EBF3: variants seen among roughly 807,000 people sequenced by gnomAD.
EBF3 encodes the protein transcription factor COE3.
In EBF3, 18 loss-of-function variants were observed where a neutral mutation model predicts 77.1. The ratio of observed to expected loss-of-function variants is 0.23; its 90% CI spans 0.16 to 0.35. EBF3 has a LOEUF of 0.35. Among genes scored for constraint, EBF3 ranks in the 10% least tolerant of loss-of-function variants. EBF3 has a pLI of 1.00. For missense variants in EBF3, 558 were observed against 860.0 expected (o/e 0.65, Z 4.39); for synonymous variants, 350 against 343.5 (o/e 1.02, Z -0.21).
intron 6 of EBF3, among the ~76,000 whole-genome samples, chr10:129,916,819 G>A (rs1436723446): frequency 6.6e-6 from 1 of 152,212 alleles, no homozygotes; most frequent in African/African-American, 2.4e-5. Context: ...CAGCCCAAGG[G>A]AGGCACAGTG....
rs762719339 is a variant in EBF3 at position 129,963,646 on chromosome 10, C to G, written c.123G>C (p.Thr41=). 3.4e-6 allele frequency: 5 copies of G among 1,477,588 alleles called. No homozygotes were observed. The African/African-American group carries it at 7.4e-5, about 22-fold the overall frequency. The allele number at this position is 1,477,588 out of a possible 1,614,324, so 91.5% of individuals were successfully genotyped here. Residue 41 remains threonine (T), a synonymous_variant, in exon 1 of 17, where the codon ACG becomes ACC. Transcript: ENST00000440978. This position sits in a 1 kb window ranked among gnomAD's most constrained non-coding sequence, Gnocchi z 7.1. The part of the protein sequence containing the change: ...MHTAGVVDAN[T]AAQSGVGLAR... ...CGGCCGGTACGTACCTCTGGGCGGC[C>G]GTGTTGGCGTCCACCACGCCCGCCG...
intron 10 of EBF3, among the ~76,000 whole-genome samples, chr10:129,856,674 G>A (rs1008672939): frequency 2.0e-5 from 3 of 152,186 alleles, no homozygotes; most frequent in Admixed American, 6.5e-5. Context: ...AGAGACAGAC[G>A]CTACCCAAGG....
intron 6 of EBF3, among the ~76,000 whole-genome samples, chr10:129,939,487 C>G (rs1272947821): frequency 6.6e-6 from 1 of 152,218 alleles, no homozygotes; most frequent in Non-Finnish European, 1.5e-5. Context: ...CTATGCAGAT[C>G]TCATTTAAAG....
At chr10:129,844,585 C>T (rs1390413603) in intron 11 of EBF3, among the ~76,000 whole-genome samples, 1 of 152,104 alleles carries the variant, frequency 6.6e-6, no homozygotes, top group Non-Finnish European at 1.5e-5. Context: ...CCCAACATGC[C>T]GACTCTGGAC....
In EBF3 at chr10:129,842,999, C is replaced by T; in HGVS notation, c.1194+138G>A. The T allele has an allele frequency of 1.3e-6, 1 of 770,276 alleles. No individual in the cohort carries two copies. The highest frequency in any genetic ancestry group is 2.7e-5 in the East Asian group (1 of 36,754). The allele number at this position is 770,276 out of a possible 1,614,324, so 47.7% of individuals were successfully genotyped here. Reference sequence around the variant, plus strand: ...CTAGCGTGAGGGCAAGGATGGGAAGCCATTCTCACATCAGACTCCTGTGGA... The same window carrying T: ...CTAGCGTGAGGGCAAGGATGGGAAGTCATTCTCACATCAGACTCCTGTGGA... On this transcript the variant is annotated intron_variant, in intron 12 of 16. Transcript: ENST00000440978. The surrounding 1 kb of genome is among the most constrained non-coding windows in gnomAD (Gnocchi z 4.4).
At chr10:129,839,819 AGGCT>A (rs1849883636) in intron 15 of EBF3, among the ~76,000 whole-genome samples, 3 of 152,210 alleles carry the variant, frequency 2.0e-5, no homozygotes, top group Non-Finnish European at 4.4e-5. Flanking sequence ...TGTGCATAGC[AGGCT>A]GCAAGCCCAG....
At chr10:129,915,991 G>A (rs1855862265) in intron 6 of EBF3, among the ~76,000 whole-genome samples, 1 of 152,192 alleles carries the variant, frequency 6.6e-6, no homozygotes, top group Non-Finnish European at 1.5e-5. Context: ...TAAGGAAAAA[G>A]CATTGTCACC....
Position 129,848,369 on chromosome 10 carries a change from G to C in EBF3, c.1128+23C>G. Reference sequence around the variant, plus strand: ...CAGTGGCGGCCCCACCATGAGCGGGGTGCCACTTGCTCTTTTACTAACCTT... The same window carrying C: ...CAGTGGCGGCCCCACCATGAGCGGGCTGCCACTTGCTCTTTTACTAACCTT... On this transcript the variant is annotated intron_variant, in intron 11 of 16. Coordinates refer to ENST00000440978, the MANE Select transcript of EBF3 (RefSeq NM_001375380.1). The surrounding 1 kb of genome is among the most constrained non-coding windows in gnomAD (Gnocchi z 4.4). The C allele has an allele frequency of 6.8e-6, 11 of 1,612,194 alleles. No individual in the cohort carries two copies. The highest frequency in any genetic ancestry group is 9.3e-6 in the Non-Finnish European group (11 of 1,178,308).
chr10:129,958,302 T>G (rs575714431), intron 5 of EBF3, among the ~76,000 whole-genome samples: 1 of 152,356 alleles, frequency 6.6e-6, no homozygotes, highest in African/African-American at 2.4e-5. Context: ...TCCTTGCAAC[T>G]ATATTTCACA....
intron 7 of EBF3, among the ~76,000 whole-genome samples, chr10:129,876,786 G>A (rs971054325): frequency 6.0e-5 from 9 of 150,522 alleles, no homozygotes; most frequent in Non-Finnish European, 8.8e-5. Flanking sequence ...ATCATCCAAT[G>A]TGTTTACCCT....
intron 11 of EBF3, among the ~76,000 whole-genome samples, chr10:129,843,855 A>G (rs1850264918): frequency 6.6e-6 from 1 of 152,210 alleles, no homozygotes. Context: ...TCACATTCCG[A>G]GAGTGTGCGC....
At chr10:129,958,822 G>C (rs1859244873) in intron 5 of EBF3, 112 bp downstream of exon 5, 4 of 1,370,152 alleles carry the variant, frequency 2.9e-6, no homozygotes, top group African/African-American at 1.5e-5. Flanking sequence ...CATTTCAATC[G>C]ATGCCCTTCC....
At chr10:129,899,820 C>G (rs1486430392) in intron 6 of EBF3, among the ~76,000 whole-genome samples, 1 of 152,206 alleles carries the variant, frequency 6.6e-6, no homozygotes, top group African/African-American at 2.4e-5. Context: ...CTTCTCTCTC[C>G]TCTTGATTGA....
At chr10:129,949,157 T>C (rs1214363334) in intron 6 of EBF3, among the ~76,000 whole-genome samples, 4 of 151,952 alleles carry the variant, frequency 2.6e-5, no homozygotes, top group Non-Finnish European at 5.9e-5. Flanking sequence ...CAAAATTAGC[T>C]GGGCATGGTG....
At chr10:129,880,175 C>A (rs943335263) in intron 6 of EBF3, among the ~76,000 whole-genome samples, 10 of 152,216 alleles carry the variant, frequency 6.6e-5, no homozygotes, top group Non-Finnish European at 1.5e-4. Context: ...CTTAGGCCTT[C>A]ACTGTCATCC....
rs535576224 is a variant in EBF3 at position 129,871,616 on chromosome 10, G to T, written c.781+1836C>A. Among the ~76,000 whole-genome samples, 8 of 152,222 alleles carry T rather than the reference G, an allele frequency of 5.3e-5. No homozygotes were observed. In the South Asian group the frequency reaches 1.7e-3, roughly 32 times the overall value. On this transcript the variant is annotated intron_variant, in intron 8 of 16. Coordinates refer to ENST00000440978, the MANE Select transcript of EBF3 (RefSeq NM_001375380.1). ...GCAGAAGGAGGGAAGGGGTTTGGGGGACAAATATGCGCAGACTTAAAAGGA... is the reference window on the plus strand; with the variant it reads ...GCAGAAGGAGGGAAGGGGTTTGGGGTACAAATATGCGCAGACTTAAAAGGA...
In EBF3 at chr10:129,856,798, T is replaced by G. The variant is rs145787071; in HGVS notation, c.1040-8318A>C. On this transcript the variant is annotated intron_variant, in intron 10 of 16. Coordinates refer to ENST00000440978, the MANE Select transcript of EBF3 (RefSeq NM_001375380.1). ...CTTTGTGAATATACGAAAAGCCACT[T>G]AATTGTATACTTTGGGTGAATTCTG... 3.4e-3 allele frequency among the ~76,000 whole-genome samples: 515 copies of G among 152,368 alleles called. 2 individuals are homozygous for G. The highest frequency in any genetic ancestry group is 0.012 in the African/African-American group (492 of 41,586).
In EBF3 at chr10:129,935,988, C is replaced by G. The variant is rs546347983; in HGVS notation, c.554+21270G>C. ...GGGCTTCCTGAAGCTGCCCCCCCCG[C>G]CCAACAATGCAGCTGGTGCCCAGGG... On this transcript the variant is annotated intron_variant, in intron 6 of 16. Coordinates refer to ENST00000440978, the MANE Select transcript of EBF3 (RefSeq NM_001375380.1). The surrounding 1 kb of genome is among the most constrained non-coding windows in gnomAD (Gnocchi z 4.2). Among the ~76,000 whole-genome samples, 2,265 of 138,284 alleles carry G rather than the reference C, an allele frequency of 0.016. 56 individuals are homozygous for G. The highest frequency in any genetic ancestry group is 0.071 in the African/African-American group (2,086 of 29,492). 90.7% of individuals were successfully genotyped at this position (138,284 alleles called of 152,430 possible). A position where few individuals can be genotyped will look rare whatever the true frequency, so the allele number is the denominator to read the frequency against.
chr10:129,948,752 G>C (rs191417242), intron 6 of EBF3, among the ~76,000 whole-genome samples: 106 of 152,294 alleles, frequency 7.0e-4, no homozygotes, highest in African/African-American at 2.5e-3. Context: ...CTTTAAATCT[G>C]CATCAGATGC....
Sources: allele counts gnomAD v4.1 joint callset (sites outside exome capture counted in the v4.1 genomes callset), GRCh38; gene constraint gnomAD v4.1.1; non-coding constraint Gnocchi (gnomAD v3.1); transcripts MANE v1.5; gene names NCBI Gene and HGNC (gene_info 2026-07-23, HGNC 2026-07-21).